Variants in GPR39 observed in about 807,000 individuals in gnomAD.
GPR39 encodes the protein G protein-coupled receptor 39.
GPR39 carries 23 observed loss-of-function variants against 18.4 expected under a neutral mutation model. The ratio of observed to expected loss-of-function variants is 1.25; its 90% CI spans 0.90 to 1.77. GPR39 has a LOEUF of 1.77. Among genes scored for constraint, GPR39 ranks in the 40% most tolerant of loss-of-function variants. The pLI is 0.00. For missense variants in GPR39, 647 were observed against 602.4 expected (o/e 1.07, Z -0.78); for synonymous variants, 280 against 257.9 (o/e 1.09, Z -0.82).
chr2:132,566,453 C>T (rs150600599), intron 1 of GPR39, among the ~76,000 whole-genome samples: 172 of 152,256 alleles, frequency 1.1e-3, no homozygotes, highest in Middle Eastern at 6.8e-3. Flanking sequence ...TGCTTAGTTT[C>T]CTAGGAGATC....
intron 1 of GPR39, among the ~76,000 whole-genome samples, chr2:132,536,226 C>G (rs72983628): frequency 0.16 from 23,931 of 152,108 alleles, 1,925 homozygotes; most frequent in Middle Eastern, 0.24. Flanking sequence ...AAATTTCCCT[C>G]TTAATACTAC....
chr2:132,599,401 G>A (rs906727552), intron 1 of GPR39, among the ~76,000 whole-genome samples: 6 of 152,126 alleles, frequency 3.9e-5, no homozygotes, highest in Non-Finnish European at 5.9e-5. Context: ...TTCTCTCTCC[G>A]TCTGCCTTTG....
intron 1 of GPR39, among the ~76,000 whole-genome samples, chr2:132,507,427 A>T (rs1412355856): frequency 3.9e-5 from 6 of 152,220 alleles, no homozygotes; most frequent in Non-Finnish European, 1.5e-5. Context: ...GCTTACTGAC[A>T]TCAGTACTGC....
chr2:132,481,619 T>A lies in GPR39; in HGVS notation c.856+63721T>A, dbSNP rs1193358027. Among the ~76,000 whole-genome samples, 3 of 152,244 alleles carry A rather than the reference T, an allele frequency of 2.0e-5. No homozygotes were observed. In the East Asian group the frequency reaches 5.8e-4, roughly 29 times the overall value. On this transcript the variant is annotated intron_variant, in intron 1 of 1. Coordinates refer to ENST00000329321, the MANE Select transcript of GPR39 (RefSeq NM_001508.3). ...TGCTGACATGAAGTTGAGCTTTGTT[T>A]AACACATTGCATACATATTTCAGCC...
intron 1 of GPR39, among the ~76,000 whole-genome samples, chr2:132,622,879 C>T (rs10174099): frequency 0.021 from 3,250 of 152,154 alleles, 118 homozygotes; most frequent in African/African-American, 0.074. Flanking sequence ...CTTTGCAGAC[C>T]GAGGTGGGAG....
chr2:132,549,843 A>T (rs1171000116), intron 1 of GPR39, among the ~76,000 whole-genome samples: 1 of 152,224 alleles, frequency 6.6e-6, no homozygotes, highest in African/African-American at 2.4e-5. Flanking sequence ...AATCTCATAT[A>T]ACGAATGGCC....
intron 1 of GPR39, among the ~76,000 whole-genome samples, chr2:132,515,681 ACTAATAAAAC>A (rs1198032979): frequency 6.6e-6 from 1 of 152,128 alleles, no homozygotes; most frequent in Non-Finnish European, 1.5e-5. Flanking sequence ...CCTTAAAGCA[ACTAATAAAAC>A]CTAAGAATGT....
intron 1 of GPR39, among the ~76,000 whole-genome samples, chr2:132,627,887 T>A (rs1343368954): frequency 6.6e-6 from 1 of 152,180 alleles, no homozygotes; most frequent in East Asian, 1.9e-4. Context: ...TTGGCAGGGT[T>A]GGGAAAATCT....
At chr2:132,498,807 G>C (rs1249067486) in intron 1 of GPR39, among the ~76,000 whole-genome samples, 1 of 152,194 alleles carries the variant, frequency 6.6e-6, no homozygotes, top group African/African-American at 2.4e-5. Flanking sequence ...GCATTTCCCT[G>C]ATAATTAGTG....
At chr2:132,494,720 C>G (rs1357721753) in intron 1 of GPR39, among the ~76,000 whole-genome samples, 1 of 152,142 alleles carries the variant, frequency 6.6e-6, no homozygotes, top group Non-Finnish European at 1.5e-5. Context: ...TGAATTCATT[C>G]AACACACCAC....
intron 1 of GPR39, among the ~76,000 whole-genome samples, chr2:132,490,271 A>G (rs1205079571): frequency 6.6e-6 from 1 of 151,956 alleles, no homozygotes; most frequent in Non-Finnish European, 1.5e-5. Context: ...CGAGAGATGA[A>G]AAGAAAGAAA....
intron 1 of GPR39, among the ~76,000 whole-genome samples, chr2:132,456,687 C>T (rs1196982630): frequency 1.3e-5 from 2 of 152,188 alleles, no homozygotes; most frequent in Admixed American, 6.5e-5. Context: ...GTGACAACAT[C>T]TCTCAGCATT....
intron 1 of GPR39, among the ~76,000 whole-genome samples, chr2:132,607,788 G>A (rs192434528): frequency 5.3e-5 from 8 of 152,280 alleles, no homozygotes; most frequent in Admixed American, 2.0e-4. Context: ...AATATGGCAC[G>A]TATTAAACCT....
At chr2:132,572,544 A>G (rs528927392) in intron 1 of GPR39, among the ~76,000 whole-genome samples, 1 of 151,976 alleles carries the variant, frequency 6.6e-6, no homozygotes, top group Non-Finnish European at 1.5e-5. Flanking sequence ...GATTAAAAAA[A>G]AAAAAAAAAC....
intron 1 of GPR39, among the ~76,000 whole-genome samples, chr2:132,434,049 A>G (rs895491702): frequency 1.3e-5 from 2 of 152,046 alleles, no homozygotes; most frequent in Non-Finnish European, 2.9e-5. Flanking sequence ...CTGATGATCA[A>G]GAGGCAGCAG....
intron 1 of GPR39, among the ~76,000 whole-genome samples, chr2:132,529,362 G>A (rs1343306936): frequency 2.0e-5 from 3 of 152,210 alleles, no homozygotes; most frequent in African/African-American, 7.2e-5. Flanking sequence ...CAGGAAGCTC[G>A]AACTGGGTGG....
chr2:132,560,918 C>CTT (rs34504049), intron 1 of GPR39, among the ~76,000 whole-genome samples: 105 of 143,020 alleles, frequency 7.3e-4, no homozygotes, highest in African/African-American at 2.2e-3. Context: ...TTGTTTTTTG[C>CTT]TTTTTTTTTT....
intron 1 of GPR39, among the ~76,000 whole-genome samples, chr2:132,511,918 G>A (rs1349505511): frequency 3.9e-5 from 6 of 152,252 alleles, no homozygotes; most frequent in Admixed American, 2.6e-4. Context: ...TGCTACGTGC[G>A]TATCGAAAAG....
intron 1 of GPR39, among the ~76,000 whole-genome samples, chr2:132,552,616 C>A (rs1018044053): frequency 3.3e-5 from 5 of 151,886 alleles, no homozygotes; most frequent in African/African-American, 1.2e-4. Flanking sequence ...TTAAAATATA[C>A]AGGAGGATGT....
Sources: gnomAD v4.1 joint callset for allele counts (sites outside exome capture counted in the v4.1 genomes callset) on GRCh38, gnomAD v4.1.1 for gene constraint, MANE v1.5 for transcripts, NCBI Gene and HGNC (gene_info 2026-07-23, HGNC 2026-07-21) for gene names.